Variants in GAD1 observed in about 807,000 individuals in gnomAD.
The protein encoded by GAD1 is 67 kDa glutamic acid decarboxylase.
GAD1 carries 35 observed loss-of-function variants against 75.2 expected under a neutral mutation model. The ratio of observed to expected loss-of-function variants is 0.47; its 90% CI spans 0.36 to 0.62. GAD1 has a LOEUF of 0.62. GAD1 is among the 20% of genes least tolerant of loss of function. GAD1 has a pLI of 0.00. For missense variants in GAD1, 490 were observed against 758.5 expected, an observed-to-expected ratio of 0.65 and a Z score of 4.16; for synonymous variants, 257 against 271.9, an observed-to-expected ratio of 0.95 and a Z score of 0.54.
At chr2:170,827,963 C>A (rs532413805) in intron 3 of GAD1, among the ~76,000 whole-genome samples, 1 of 152,098 alleles carries the variant, frequency 6.6e-6, no homozygotes, top group African/African-American at 2.4e-5. Context: ...TTACGTTCAA[C>A]CCTGTGAGCA....
In GAD1 at chr2:170,822,133, G is replaced by A; in HGVS notation, c.129G>A (p.Leu43=). ...TGGCCCATGGATGCACCAGAAAACT[G>A]GGGCTCAAGATCTGCGGTAAGTGAC... ...CGVAHGCTRK[L]GLKICGFLQR... The change falls in exon 3 of 17, where the codon CTG becomes CTA. Residue 43 remains leucine (L), a synonymous_variant. Transcript: ENST00000358196. 6.2e-7 allele frequency: 1 copy of A among 1,612,552 alleles called. No homozygotes were observed. The highest frequency in any genetic ancestry group is 8.5e-7 in the Non-Finnish European group (1 of 1,179,510).
chr2:170,818,775 G>C lies in GAD1; in HGVS notation c.82+102G>C. The C allele has an allele frequency of 1.8e-6, 2 of 1,104,480 alleles. No individual in the cohort carries two copies. The highest frequency in any genetic ancestry group is 2.8e-6 in the Non-Finnish European group (2 of 721,596). 68.4% of individuals were successfully genotyped at this position (1,104,480 alleles called of 1,614,324 possible). A position where few individuals can be genotyped will look rare whatever the true frequency, so the allele number is the denominator to read the frequency against. On this transcript the variant is annotated intron_variant, in intron 2 of 16. Coordinates refer to ENST00000358196, the MANE Select transcript of GAD1 (RefSeq NM_000817.3). This position sits in a 1 kb window ranked among gnomAD's most constrained non-coding sequence, Gnocchi z 5.9. The stretch of plus-strand genomic sequence containing the variant: ...GCGGAAAGGGAAGGGGGAGCGCGGA[G>C]ATAATGGAGGCTGGGAAATAAATGG...
chr2:170,829,431 G>C, intron 3 of GAD1, 44 bp from the exon 4 acceptor site: 1 of 1,609,018 alleles, frequency 6.2e-7, no homozygotes, highest in Non-Finnish European at 8.5e-7. Flanking sequence ...CTCAGGGGCT[G>C]GGCAGTTTGC....
At chr2:170,831,722 TAATA>T (rs1702234398) in intron 5 of GAD1, among the ~76,000 whole-genome samples, 1 of 140,854 alleles carries the variant, frequency 7.1e-6, no homozygotes, top group South Asian at 2.1e-4. Context: ...AATTTAAAAA[TAATA>T]AATTATAAAT....
At chr2:170,840,723 T>A (rs1352227104) in intron 6 of GAD1, among the ~76,000 whole-genome samples, 2 of 147,858 alleles carry the variant, frequency 1.4e-5, no homozygotes, top group South Asian at 2.2e-4. Context: ...TAAAAAAAAA[T>A]TAAAAAAAAA....
chr2:170,818,668 C>T lies in GAD1; in HGVS notation c.77C>T (p.Pro26Leu). 1 of 1,614,100 alleles carries T rather than the reference C, an allele frequency of 6.2e-7. No homozygotes were observed. The highest frequency in any genetic ancestry group is 8.5e-7 in the Non-Finnish European group (1 of 1,179,938). The change falls in exon 2 of 17, where the codon CCC becomes CTC. Residue 26 changes from proline to leucine, a missense_variant. Physicochemically the swap from Pro to Leu is moderately conservative, Grantham distance 98 (BLOSUM62 -3). Transcript: ENST00000358196. This position sits in a 1 kb window ranked among gnomAD's most constrained non-coding sequence, Gnocchi z 5.9. ...GADPNTTNLR[P>L]TTYDTWCGVA... ...GACCCCAATACCACTAACCTGCGCC[C>T]CACAAGTAGGTCCCGCCCCAATTTT...
At chr2:170,847,874 C>T (rs1702667664) in intron 11 of GAD1, 82 bp downstream of exon 11, 21 of 900,108 alleles carry the variant, frequency 2.3e-5, no homozygotes, top group Admixed American at 1.0e-4. Context: ...CTTCTCCCCA[C>T]GCCCCAGCCA....
At chr2:170,813,423 G>A (rs1701644884), upstream of GAD1, 1 of 152,204 alleles carries the variant, frequency 6.6e-6, no homozygotes, top group Non-Finnish European at 1.5e-5. Context: ...CGTTTAACCG[G>A]TGAGCACTGC....
chr2:170,823,750 T>C lies in GAD1; in HGVS notation c.145+1601T>C, dbSNP rs560015475. Among the ~76,000 whole-genome samples, 571 of 149,114 alleles carry C rather than the reference T, an allele frequency of 3.8e-3. 2 individuals are homozygous for C. Among genetic ancestry groups the C allele is most frequent in the Non-Finnish European group, 6.1e-3 (412 of 67,118 alleles). On this transcript the variant is annotated intron_variant, in intron 3 of 16. Coordinates refer to ENST00000358196, the MANE Select transcript of GAD1 (RefSeq NM_000817.3). ...CAGCGCTCGGCTTCTGCAGCCGTCA[T>C]TGTCATGCAGCCAGCCGGGCAGGCA... is the stretch of plus-strand genomic sequence containing the variant.
At chr2:170,844,760 G>A (rs968806517) in intron 7 of GAD1, among the ~76,000 whole-genome samples, 4 of 152,154 alleles carry the variant, frequency 2.6e-5, no homozygotes, top group Admixed American at 6.5e-5. Flanking sequence ...TTTAAAACAA[G>A]AATAGGTATT....
intron 12 of GAD1, among the ~76,000 whole-genome samples, chr2:170,851,039 T>G (rs1055670173): frequency 6.6e-6 from 1 of 151,820 alleles, no homozygotes; most frequent in African/African-American, 2.4e-5. Flanking sequence ...AAAAAAGAAC[T>G]GTGGATGAGC....
chr2:170,852,654 G>A, intron 12 of GAD1, 60 bp from the exon 13 acceptor site: 1 of 1,432,736 alleles, frequency 7.0e-7, no homozygotes, highest in Non-Finnish European at 9.8e-7. Context: ...TTTTCCTCAA[G>A]AGAACAGTTG....
At chr2:170,854,737 G>A (rs891797003) in intron 14 of GAD1, among the ~76,000 whole-genome samples, 9 of 152,122 alleles carry the variant, frequency 5.9e-5, no homozygotes, top group African/African-American at 1.9e-4. Flanking sequence ...TCTCAACATG[G>A]GCTATGTATG....
At chr2:170,846,772 G>T (rs1278063237) in intron 10 of GAD1, among the ~76,000 whole-genome samples, 1 of 152,210 alleles carries the variant, frequency 6.6e-6, no homozygotes, top group Non-Finnish European at 1.5e-5. Flanking sequence ...TTGGGAGGCT[G>T]AGGCAGGAGG....
At chr2:170,845,413 T>A in intron 7 of GAD1, 93 bp from the exon 8 acceptor site, 1 of 1,091,586 alleles carries the variant, frequency 9.2e-7, no homozygotes, top group Non-Finnish European at 1.4e-6. Context: ...CTTCCTGACC[T>A]CCCTTGTCTC....
intron 16 of GAD1, 145 bp from the exon 17 acceptor site, chr2:170,859,564 C>T: frequency 1.2e-6 from 1 of 821,446 alleles, no homozygotes; most frequent in Non-Finnish European, 2.0e-6. Flanking sequence ...TTGATATTAG[C>T]CCCTGAAGAT....
intron 14 of GAD1, among the ~76,000 whole-genome samples, chr2:170,855,690 C>G (rs1004744851): frequency 6.6e-6 from 1 of 151,540 alleles, no homozygotes; most frequent in African/African-American, 2.4e-5. Context: ...ATCTGGGCAA[C>G]AAAGTAAGAC....
chr2:170,849,159 T>C (rs751109762), intron 11 of GAD1, 127 bp from the exon 12 acceptor site: 3 of 817,976 alleles, frequency 3.7e-6, no homozygotes, highest in Non-Finnish European at 6.2e-6. Flanking sequence ...GGCTGAACTT[T>C]TCTGAGAAAC....
At chr2:170,824,378 TAC>T (rs10529529) in intron 3 of GAD1, among the ~76,000 whole-genome samples, 7,997 of 146,222 alleles carry the variant, frequency 0.055, 464 homozygotes, top group African/African-American at 0.15. Flanking sequence ...CCTGCCTGCC[TAC>T]ACACACACAC....
Sources: gnomAD v4.1 joint callset for allele counts (sites outside exome capture counted in the v4.1 genomes callset) on GRCh38, gnomAD v4.1.1 for gene constraint, Gnocchi (gnomAD v3.1) non-coding constraint, MANE v1.5 for transcripts, NCBI Gene and HGNC (gene_info 2026-07-23, HGNC 2026-07-21) for gene names.